FAM149B1: variants seen among roughly 807,000 people sequenced by gnomAD.
FAM149B1 encodes primary cilium assembly protein FAM149B1.
A neutral mutation model predicts 75.3 loss-of-function variants in FAM149B1; 56 were observed. That is an observed-to-expected ratio of 0.74 (90% CI 0.60 to 0.93). The LOEUF is 0.93. Ranked by LOEUF, FAM149B1 falls within the 40% of genes least tolerant of loss-of-function variation. The pLI is 0.00. For synonymous variants in FAM149B1, 259 were observed against 256.1 expected (o/e 1.01, Z -0.11); for missense variants, 639 against 708.4 (o/e 0.90, Z 1.11).
rs2043967985 is a variant in FAM149B1, at chr10:73,242,682, C to T, written c.*1663C>T. The T allele has an allele frequency of 1.3e-5, 2 of 152,352 alleles. No homozygotes were observed. The highest frequency in any genetic ancestry group is 1.9e-4 in the East Asian group (1 of 5,190). The allele number at this position is 152,352 out of a possible 1,614,324, so 9.4% of individuals were successfully genotyped here. ...TAATCAGTGGCAGGACTACAACATA[C>T]ATCTCTTCATGCTAGGGAAACCAGG... On this transcript the variant is annotated 3_prime_UTR_variant, in exon 14 of 14. Transcript: ENST00000242505.
intron 12 of FAM149B1, among the ~76,000 whole-genome samples, chr10:73,237,944 TCA>T (rs1245774392): frequency 6.6e-6 from 1 of 152,128 alleles, no homozygotes; most frequent in Non-Finnish European, 1.5e-5. Flanking sequence ...TGAAAATGTT[TCA>T]GTCTTCTCTT....
At position 73,168,326 on chromosome 10, in the gene FAM149B1, G is replaced by A. The variant is rs1345593842; in HGVS notation, c.-14G>A. 5 of 1,549,230 alleles carry A rather than the reference G, an allele frequency of 3.2e-6. No individual in the cohort carries two copies. The highest frequency in any genetic ancestry group is 2.1e-4 in the Middle Eastern group (1 of 4,818). ...CCGCGGCTGAGGAGGAGGAGGAGGA[G>A]GAGGAGGAGGAGGATGATCTCCAGA... On this transcript the variant is annotated 5_prime_UTR_variant, in exon 1 of 14. Coordinates refer to ENST00000242505, the MANE Select transcript of FAM149B1 (RefSeq NM_173348.2).
intron 3 of FAM149B1, among the ~76,000 whole-genome samples, chr10:73,182,507 C>T (rs1306970052): frequency 6.6e-6 from 1 of 152,234 alleles, no homozygotes; most frequent in African/African-American, 2.4e-5. Context: ...CCACTGCACC[C>T]AGCCTTGCTG....
At chr10:73,174,381 C>T (rs1843848315) in intron 1 of FAM149B1, among the ~76,000 whole-genome samples, 1 of 152,086 alleles carries the variant, frequency 6.6e-6, no homozygotes, top group Non-Finnish European at 1.5e-5. Context: ...GTGATATCTA[C>T]TATATTTTCA....
chr10:73,201,978 AACATGG>A (rs1266537388), intron 5 of FAM149B1, among the ~76,000 whole-genome samples: 2 of 152,250 alleles, frequency 1.3e-5, no homozygotes, highest in Admixed American at 6.5e-5. Flanking sequence ...CAGTCTGGCC[AACATGG>A]TGAAACCCCG....
At chr10:73,192,017 A>G (rs1423911717) in intron 3 of FAM149B1, among the ~76,000 whole-genome samples, 1 of 151,864 alleles carries the variant, frequency 6.6e-6, no homozygotes, top group African/African-American at 2.4e-5. Context: ...CTTGTGCCTT[A>G]GCCTCCCAAG....
At chr10:73,176,666 A>C (rs1843977770) in intron 2 of FAM149B1, among the ~76,000 whole-genome samples, 1 of 152,120 alleles carries the variant, frequency 6.6e-6, no homozygotes, top group African/African-American at 2.4e-5. Flanking sequence ...CAGGTGGATC[A>C]CTTGAGCTCA....
intron 6 of FAM149B1, 36 bp downstream of exon 6, chr10:73,208,822 CTTATT>C (rs1335665893): frequency 1.9e-5 from 25 of 1,338,432 alleles, no homozygotes; most frequent in Middle Eastern, 1.9e-4. Flanking sequence ...TTACTCCCCT[CTTATT>C]TTGTGTATTA....
At chr10:73,180,295 A>C (rs1017653099) in intron 3 of FAM149B1, among the ~76,000 whole-genome samples, 2 of 152,180 alleles carry the variant, frequency 1.3e-5, no homozygotes, top group Non-Finnish European at 2.9e-5. Context: ...TTTCCAAGGG[A>C]AAGTGTTTGG....
At position 73,181,765 on chromosome 10, in the gene FAM149B1, G is replaced by A. The variant is rs994796313; in HGVS notation, c.282+3790G>A. Among the ~76,000 whole-genome samples the A allele has an allele frequency of 3.9e-5, 6 of 152,318 alleles. No homozygotes were observed. In the East Asian group the frequency reaches 5.8e-4, roughly 15 times the overall value. On this transcript the variant is annotated intron_variant, in intron 3 of 13. Transcript: ENST00000242505. ...TGTAAATATGTTAGATCCATTTGGC[G>A]TGTAGTGCAGATTAAGTCTGATGTT...
At chr10:73,192,446 A>AGTAGACT in intron 3 of FAM149B1, 110 bp from the exon 4 acceptor site, 1 of 1,079,178 alleles carries the variant, frequency 9.3e-7, no homozygotes. Context: ...CAGTATTTCA[A>AGTAGACT]GTAGACTAAA....
At chr10:73,192,496 A>C in intron 3 of FAM149B1, 60 bp from the exon 4 acceptor site, 1 of 1,481,350 alleles carries the variant, frequency 6.8e-7, no homozygotes, top group South Asian at 1.3e-5. Context: ...TAATCTTTAT[A>C]ATTTTTAACA....
intron 3 of FAM149B1, among the ~76,000 whole-genome samples, chr10:73,189,721 T>G (rs1340762070): frequency 1.3e-5 from 2 of 152,170 alleles, no homozygotes; most frequent in African/African-American, 4.8e-5. Flanking sequence ...TAAAAATAAG[T>G]CAACATTTTG....
chr10:73,199,379 G>C (rs1032646568), intron 5 of FAM149B1, among the ~76,000 whole-genome samples: 11 of 151,282 alleles, frequency 7.3e-5, no homozygotes, highest in Admixed American at 6.6e-4. Flanking sequence ...CACCACGCCC[G>C]GCTAATTTTT....
At chr10:73,229,864 G>A (rs931982566) in intron 8 of FAM149B1, among the ~76,000 whole-genome samples, 5 of 152,154 alleles carry the variant, frequency 3.3e-5, no homozygotes, top group Admixed American at 6.5e-5. Context: ...AACAAGCAGG[G>A]CTCTAGGGGG....
At chr10:73,202,859 T>C (rs916014617) in intron 5 of FAM149B1, among the ~76,000 whole-genome samples, 5 of 151,918 alleles carry the variant, frequency 3.3e-5, no homozygotes, top group Non-Finnish European at 5.9e-5. Context: ...TCTGGCTAAT[T>C]TTGTATTTTT....
chr10:73,243,861 G>C lies in FAM149B1; in HGVS notation c.*2842G>C. The stretch of plus-strand genomic sequence containing the variant: ...AGTTTACCTGAATGGCTGCCTTCAG[G>C]CTATCCACGCCTTCATCAAGCCCCA... On this transcript the variant is annotated 3_prime_UTR_variant, in exon 14 of 14. Coordinates refer to ENST00000242505, the MANE Select transcript of FAM149B1 (RefSeq NM_173348.2). 6.2e-7 allele frequency: 1 copy of C among 1,613,906 alleles called. No individual in the cohort carries two copies. The highest frequency in any genetic ancestry group is 1.1e-5 in the South Asian group (1 of 91,016).
chr10:73,208,020 A>T (rs2043105681), intron 5 of FAM149B1, among the ~76,000 whole-genome samples: 1 of 152,266 alleles, frequency 6.6e-6, no homozygotes, highest in Non-Finnish European at 1.5e-5. Context: ...GGAGGAGCCA[A>T]GGGCAGGATG....
At chr10:73,202,667 C>A (rs2042967566) in intron 5 of FAM149B1, among the ~76,000 whole-genome samples, 1 of 131,230 alleles carries the variant, frequency 7.6e-6, no homozygotes. Flanking sequence ...CGCCCTTCAT[C>A]CCTTCCCTCT....
Sources: gnomAD v4.1 joint callset for allele counts (sites outside exome capture counted in the v4.1 genomes callset) on GRCh38, gnomAD v4.1.1 for gene constraint, MANE v1.5 for transcripts, NCBI Gene and HGNC (gene_info 2026-07-23, HGNC 2026-07-21) for gene names.